Variants in ARB2A observed in about 807,000 individuals in gnomAD.
ARB2A encodes ARB2 cotranscriptional regulator A.
chr5:93,985,517 C>T, the ARB2A span, among the ~76,000 whole-genome samples: 1 of 152,140 alleles, frequency 6.6e-6, no homozygotes, highest in Non-Finnish European at 1.5e-5. Flanking sequence ...TCACTGCAAC[C>T]TCCCTGCCTG....
the ARB2A span, among the ~76,000 whole-genome samples, chr5:93,952,904 T>C: frequency 6.6e-6 from 1 of 152,198 alleles, no homozygotes; most frequent in Non-Finnish European, 1.5e-5. Flanking sequence ...TCACCAATTC[T>C]TTCTTCTTCT....
the ARB2A span, among the ~76,000 whole-genome samples, chr5:94,093,788 C>T: frequency 6.6e-6 from 1 of 152,110 alleles, no homozygotes; most frequent in Non-Finnish European, 1.5e-5. Context: ...TGGGTAAGAA[C>T]GAGGTATGAT....
At chr5:94,057,294 ATATAT>A in the ARB2A span, among the ~76,000 whole-genome samples, 3 of 147,976 alleles carry the variant, frequency 2.0e-5, no homozygotes, top group Admixed American at 2.0e-4. Flanking sequence ...GACAAATATT[ATATAT>A]TATATGATTG....
chr5:93,780,244 G>C, the ARB2A span, among the ~76,000 whole-genome samples: 8 of 152,196 alleles, frequency 5.3e-5, no homozygotes, highest in Non-Finnish European at 1.0e-4. Context: ...GTTGAATGGT[G>C]ATAGGAAGGG....
the ARB2A span, among the ~76,000 whole-genome samples, chr5:93,948,787 C>A: frequency 1.3e-5 from 2 of 152,118 alleles, no homozygotes; most frequent in African/African-American, 4.8e-5. Context: ...CAGCTCACTG[C>A]ATCTTCAAAC....
the ARB2A span, among the ~76,000 whole-genome samples, chr5:93,905,369 A>T: frequency 6.6e-6 from 1 of 151,684 alleles, no homozygotes; most frequent in Non-Finnish European, 1.5e-5. Context: ...GTTTACAGAG[A>T]CAAATTGGCA....
chr5:93,835,826 T>C, the ARB2A span, among the ~76,000 whole-genome samples: 1 of 151,804 alleles, frequency 6.6e-6, no homozygotes, highest in East Asian at 1.9e-4. Context: ...GAAATTACAC[T>C]AATATAAAAT....
At chr5:93,725,121 A>G in the ARB2A span, among the ~76,000 whole-genome samples, 5 of 152,136 alleles carry the variant, frequency 3.3e-5, no homozygotes, top group East Asian at 5.8e-4. Flanking sequence ...TTTCCATTTA[A>G]TATTTTTTGG....
At chr5:93,767,612 G>C in the ARB2A span, among the ~76,000 whole-genome samples, 43 of 152,046 alleles carry the variant, frequency 2.8e-4, no homozygotes, top group Non-Finnish European at 8.8e-5. Context: ...CAAAATCGTG[G>C]AACCAACCCA....
the ARB2A span, chr5:93,740,260 C>A: frequency 4.3e-6 from 1 of 232,148 alleles, no homozygotes; most frequent in Non-Finnish European, 8.4e-6. Context: ...TTACTGATAA[C>A]CACAAGGAAT....
chr5:94,046,262 T>A, the ARB2A span, among the ~76,000 whole-genome samples: 1 of 152,170 alleles, frequency 6.6e-6, no homozygotes, highest in Non-Finnish European at 1.5e-5. Context: ...GTTCCTCAGC[T>A]TCCTATTTAG....
chr5:93,869,846 C>T, the ARB2A span, among the ~76,000 whole-genome samples: 1 of 152,232 alleles, frequency 6.6e-6, no homozygotes, highest in African/African-American at 2.4e-5. Flanking sequence ...ACTCCACTGC[C>T]TATCCCAAAA....
chr5:93,837,331 A>G, the ARB2A span, among the ~76,000 whole-genome samples: 1 of 152,118 alleles, frequency 6.6e-6, no homozygotes, highest in Non-Finnish European at 1.5e-5. Flanking sequence ...TCCACGGTGT[A>G]TATGTGCTAA....
At chr5:93,640,094 G>GA in the ARB2A span, among the ~76,000 whole-genome samples, 9 of 145,308 alleles carry the variant, frequency 6.2e-5, no homozygotes, top group African/African-American at 1.5e-4. Context: ...AAAAATTTAT[G>GA]AAAAAAATTG....
chr5:93,641,994 T>G, the ARB2A span, among the ~76,000 whole-genome samples: 1 of 152,184 alleles, frequency 6.6e-6, no homozygotes, highest in African/African-American at 2.4e-5. Context: ...ATTTATTTAT[T>G]TATTTTTAGA....
the ARB2A span, among the ~76,000 whole-genome samples, chr5:93,796,529 A>G: frequency 9.2e-5 from 14 of 152,332 alleles, no homozygotes; most frequent in African/African-American, 3.4e-4. Flanking sequence ...CATCATTATA[A>G]TAAGTATAAG....
At chr5:93,641,353 T>C in the ARB2A span, among the ~76,000 whole-genome samples, 2 of 152,204 alleles carry the variant, frequency 1.3e-5, no homozygotes, top group East Asian at 3.8e-4. Flanking sequence ...AGCATCACTA[T>C]AGGTAGATGC....
chr5:93,725,245 A>T, the ARB2A span, among the ~76,000 whole-genome samples: 1 of 152,066 alleles, frequency 6.6e-6, no homozygotes, highest in Non-Finnish European at 1.5e-5. Context: ...CATTAACCGT[A>T]TATTTTCTAC....
At chr5:93,949,458 G>A in the ARB2A span, among the ~76,000 whole-genome samples, 3 of 152,148 alleles carry the variant, frequency 2.0e-5, no homozygotes, top group Admixed American at 1.3e-4. Flanking sequence ...CTACTTGGGA[G>A]GCTGAGGCAG....
Sources: allele counts gnomAD v4.1 joint callset (sites outside exome capture counted in the v4.1 genomes callset), GRCh38; gene constraint gnomAD v4.1.1; transcripts MANE v1.5; gene names NCBI Gene and HGNC (gene_info 2026-07-23, HGNC 2026-07-21).